The following TENM3 variants were observed in gnomAD, a reference collection of about 807,000 sequenced individuals.
TENM3 encodes the protein teneurin transmembrane protein 3.
Under a neutral mutation model 255.1 loss-of-function variants are expected in TENM3, and 63 were observed. The observed-to-expected ratio is 0.25, with a 90% CI of 0.20 to 0.30. TENM3 has a LOEUF of 0.30. Among genes scored for constraint, TENM3 ranks in the 10% least tolerant of loss-of-function variants. The pLI, the probability that TENM3 is intolerant of heterozygous loss-of-function variation, is 1.00. For synonymous variants in TENM3, 1,306 were observed against 1,322.3 expected, an observed-to-expected ratio of 0.99 and a Z score of 0.27; for missense variants, 2,929 against 3,461.1, an observed-to-expected ratio of 0.85 and a Z score of 3.86.
chr4:182,302,118 A>C (rs564716557), intron 1 of TENM3, among the ~76,000 whole-genome samples: 4 of 152,300 alleles, frequency 2.6e-5, no homozygotes, highest in African/African-American at 9.6e-5. Context: ...TTTTGCCAAA[A>C]ACTTTTAAAT....
intron 2 of TENM3, among the ~76,000 whole-genome samples, chr4:182,325,188 T>A (rs1368123149): frequency 1.3e-5 from 2 of 152,228 alleles, no homozygotes; most frequent in East Asian, 3.8e-4. Flanking sequence ...AAAGAATATA[T>A]TCATTCTTTT....
At position 182,502,789 on chromosome 4, in the gene TENM3, A is replaced by G. The variant is rs527392470; in HGVS notation, c.512-98135A>G. On this transcript the variant is annotated intron_variant, in intron 3 of 27. Coordinates refer to ENST00000511685, the MANE Select transcript of TENM3 (RefSeq NM_001080477.4). ...ATTTTCTTTCCTCATATGTCAGATGATCCTTGGTTATTCATGTGTATTAAA... is the reference window on the plus strand; with the variant it reads ...ATTTTCTTTCCTCATATGTCAGATGGTCCTTGGTTATTCATGTGTATTAAA... 8.7e-4 allele frequency among the ~76,000 whole-genome samples: 132 copies of G among 151,084 alleles called. 4 individuals are homozygous for G. The highest frequency in any genetic ancestry group is 3.1e-3 in the African/African-American group (129 of 41,122).
intron 1 of TENM3, among the ~76,000 whole-genome samples, chr4:182,271,906 A>G (rs1169957049): frequency 1.3e-5 from 2 of 152,218 alleles, no homozygotes; most frequent in African/African-American, 4.8e-5. Flanking sequence ...CAGGTGCAGC[A>G]GGGATTTGCC....
intron 13 of TENM3, among the ~76,000 whole-genome samples, chr4:182,716,897 G>C (rs1759225333): frequency 6.6e-6 from 1 of 152,124 alleles, no homozygotes; most frequent in Admixed American, 6.6e-5. Context: ...ACTTGATTTA[G>C]CATATTAAGG....
intron 1 of TENM3, among the ~76,000 whole-genome samples, chr4:182,320,307 A>C (rs1015821292): frequency 1.3e-5 from 2 of 152,178 alleles, no homozygotes; most frequent in African/African-American, 4.8e-5. Context: ...TTATTCTGTC[A>C]GTTCTGGAGG....
At chr4:182,129,344 T>C in the TENM3 span, among the ~76,000 whole-genome samples, 1 of 152,188 alleles carries the variant, frequency 6.6e-6, no homozygotes, top group Non-Finnish European at 1.5e-5. Context: ...GTGAGAAACC[T>C]GGTATTTTTA....
At chr4:182,652,713 A>G (rs574008402) in intron 5 of TENM3, among the ~76,000 whole-genome samples, 18 of 152,306 alleles carry the variant, frequency 1.2e-4, no homozygotes, top group African/African-American at 4.3e-4. Flanking sequence ...TAGTCATCAC[A>G]CTGCCTTCTT....
At chr4:182,394,126 A>G (rs528479625) in intron 3 of TENM3, among the ~76,000 whole-genome samples, 60 of 152,328 alleles carry the variant, frequency 3.9e-4, no homozygotes, top group Non-Finnish European at 6.6e-4. Flanking sequence ...TAAGAAGGTC[A>G]CCAATGCATC....
At chr4:182,076,213 CT>C in the TENM3 span, among the ~76,000 whole-genome samples, 28,102 of 125,648 alleles carry the variant, frequency 0.22, 3,175 homozygotes, top group African/African-American at 0.31. Context: ...TCTTCTTCTT[CT>C]TTTTTTTTTT....
At chr4:181,699,180 C>T in the TENM3 span, among the ~76,000 whole-genome samples, 122 of 152,076 alleles carry the variant, frequency 8.0e-4, no homozygotes, top group Non-Finnish European at 1.6e-3. Context: ...CCTGTAATCC[C>T]AGCATTGTGA....
intron 1 of TENM3, among the ~76,000 whole-genome samples, chr4:182,202,956 C>T (rs561700090): frequency 1.3e-5 from 2 of 152,140 alleles, no homozygotes; most frequent in Admixed American, 6.5e-5. Context: ...TGGCTCAAGC[C>T]TGTAATCCCA....
intron 5 of TENM3, among the ~76,000 whole-genome samples, chr4:182,641,213 C>T (rs930979637): frequency 1.1e-4 from 17 of 152,334 alleles, no homozygotes; most frequent in African/African-American, 2.9e-4. Flanking sequence ...AACACACACA[C>T]GTATACACAC....
At chr4:182,546,749 C>T (rs1173119945) in intron 3 of TENM3, among the ~76,000 whole-genome samples, 1 of 152,152 alleles carries the variant, frequency 6.6e-6, no homozygotes, top group Non-Finnish European at 1.5e-5. Context: ...TTTAATCTGT[C>T]CACAGATAAT....
chr4:182,510,791 C>CTTATTA (rs1560850203), intron 3 of TENM3, among the ~76,000 whole-genome samples: 1 of 152,096 alleles, frequency 6.6e-6, no homozygotes, highest in Non-Finnish European at 1.5e-5. Flanking sequence ...ATTATATATT[C>CTTATTA]TATCTTCTTG....
At chr4:182,018,437 T>C in the TENM3 span, among the ~76,000 whole-genome samples, 4 of 152,114 alleles carry the variant, frequency 2.6e-5, no homozygotes, top group Admixed American at 1.3e-4. Flanking sequence ...TTTGAATGGA[T>C]GGGGATTATT....
intron 3 of TENM3, among the ~76,000 whole-genome samples, chr4:182,542,385 T>G (rs931310088): frequency 2.0e-5 from 3 of 152,160 alleles, no homozygotes; most frequent in Non-Finnish European, 4.4e-5. Context: ...TTTCCTCTGC[T>G]TGAGGTTTTC....
chr4:182,748,905 G>A (rs1762189471), intron 19 of TENM3, among the ~76,000 whole-genome samples: 1 of 152,142 alleles, frequency 6.6e-6, no homozygotes. Flanking sequence ...GTTGCTTGAT[G>A]GAGAAATTTC....
intron 12 of TENM3, among the ~76,000 whole-genome samples, chr4:182,712,447 AAAC>A (rs1287046263): frequency 1.1e-4 from 17 of 152,250 alleles, no homozygotes; most frequent in African/African-American, 3.6e-4. Flanking sequence ...AAAAAAAAAA[AAAC>A]ACATCCATAA....
intron 3 of TENM3, among the ~76,000 whole-genome samples, chr4:182,378,376 G>A (rs549604699): frequency 6.6e-6 from 1 of 152,170 alleles, no homozygotes; most frequent in Non-Finnish European, 1.5e-5. Flanking sequence ...AAATATGTAC[G>A]CACACTGCAT....
Sources: allele counts gnomAD v4.1 joint callset (sites outside exome capture counted in the v4.1 genomes callset), GRCh38; gene constraint gnomAD v4.1.1; transcripts MANE v1.5; gene names NCBI Gene and HGNC (gene_info 2026-07-23, HGNC 2026-07-21).